The following NR2C2 variants were observed in gnomAD, a reference collection of about 807,000 sequenced individuals.
The protein encoded by NR2C2 is nuclear receptor subfamily 2 group C member 2.
A neutral mutation model predicts 62.9 loss-of-function variants in NR2C2; 6 were observed. The ratio of observed to expected loss-of-function variants is 0.10; its 90% CI spans 0.05 to 0.19. NR2C2 has a LOEUF of 0.19. NR2C2 is among the 10% of genes least tolerant of loss of function. NR2C2 has a pLI of 1.00. For missense variants in NR2C2, 479 were observed against 762.7 expected, an observed-to-expected ratio of 0.63 and a Z score of 4.38; for synonymous variants, 272 against 273.8, an observed-to-expected ratio of 0.99 and a Z score of 0.07.
intron 11 of NR2C2, among the ~76,000 whole-genome samples, chr3:15,035,270 A>G (rs1193541849): frequency 6.6e-6 from 1 of 152,222 alleles, no homozygotes; most frequent in Non-Finnish European, 1.5e-5. Flanking sequence ...CATCCTGGGT[A>G]ATAGAGCAAG....
At chr3:15,016,127 C>A in intron 3 of NR2C2, 25 bp from the exon 4 acceptor site, 1 of 1,573,750 alleles carries the variant, frequency 6.4e-7, no homozygotes, top group Non-Finnish European at 8.7e-7. Flanking sequence ...ATTGGCACCC[C>A]TGTTCGTTTC....
chr3:15,009,640 C>T (rs1421269841), intron 2 of NR2C2, among the ~76,000 whole-genome samples: 1 of 152,180 alleles, frequency 6.6e-6, no homozygotes, highest in Non-Finnish European at 1.5e-5. Flanking sequence ...AGTTTACAGA[C>T]AGGAATTTAA....
chr3:14,992,768 C>T (rs755405782), intron 1 of NR2C2, among the ~76,000 whole-genome samples: 3 of 152,152 alleles, frequency 2.0e-5, no homozygotes, highest in Non-Finnish European at 4.4e-5. Context: ...GATGATTTTA[C>T]CCTCTAAGTA....
intron 1 of NR2C2, among the ~76,000 whole-genome samples, chr3:14,987,338 C>T (rs2040540049): frequency 1.3e-5 from 2 of 152,156 alleles, no homozygotes; most frequent in Admixed American, 1.3e-4. Context: ...CCGCCTTGGC[C>T]TCGCAGAGTG....
At chr3:15,023,114 G>C (rs1011743912) in intron 5 of NR2C2, 86 bp from the exon 6 acceptor site, 1 of 1,440,884 alleles carries the variant, frequency 6.9e-7, no homozygotes, top group Non-Finnish European at 9.6e-7. Flanking sequence ...CATCCTCCCT[G>C]CAGTAATGGA....
chr3:14,976,346 A>G (rs1221090702), intron 1 of NR2C2, among the ~76,000 whole-genome samples: 1 of 152,190 alleles, frequency 6.6e-6, no homozygotes, highest in Non-Finnish European at 1.5e-5. Flanking sequence ...TGTTCTGGTT[A>G]TATAATTATG....
chr3:14,959,141 A>G (rs1468809044), intron 1 of NR2C2: 2 of 152,096 alleles, frequency 1.3e-5, no homozygotes, highest in Non-Finnish European at 2.9e-5. Context: ...TCACTGTGTG[A>G]TCTTTCTGTC....
At position 15,043,092 on chromosome 3, in the gene NR2C2, T is replaced by G; in HGVS notation, c.*84T>G. 3 of 1,325,138 alleles carry G rather than the reference T, an allele frequency of 2.3e-6. No homozygotes were observed. The highest frequency in any genetic ancestry group is 3.0e-6 in the Non-Finnish European group (3 of 984,042). 82.1% of individuals were successfully genotyped at this position (1,325,138 alleles called of 1,614,324 possible). On this transcript the variant is annotated 3_prime_UTR_variant, in exon 14 of 14. Coordinates refer to ENST00000425241, the MANE Select transcript of NR2C2 (RefSeq NM_001291694.2). ...AGAAAAGTAGTGGTATTTTGGTATG[T>G]GCAAATATTTCCATATGTTAGCCAT... is the stretch of plus-strand genomic sequence containing the variant.
intron 1 of NR2C2, among the ~76,000 whole-genome samples, chr3:14,986,275 G>A (rs1346531353): frequency 6.6e-6 from 1 of 152,132 alleles, no homozygotes; most frequent in Non-Finnish European, 1.5e-5. Context: ...TCATGTAAAT[G>A]CTTAGGAATA....
intron 1 of NR2C2, among the ~76,000 whole-genome samples, chr3:14,964,491 TTTTTTTATTTTCTATTTTATA>T (rs1416680786): frequency 3.4e-5 from 4 of 117,462 alleles, no homozygotes; most frequent in African/African-American, 1.4e-4. Context: ...TGGACTTTAT[TTTTTTTATTTTCTATTTTATA>T]TTTTTTATTT....
At chr3:14,959,080 C>T (rs1248547355) in intron 1 of NR2C2, 1 of 152,246 alleles carries the variant, frequency 6.6e-6, no homozygotes, top group African/African-American at 2.4e-5. Context: ...GGGACATCTC[C>T]TAATTGATAA....
rs1159593307 is a variant in NR2C2 at position 14,971,176 on chromosome 3, GGC to G, written c.-40+23273_-40+23274del. On this transcript the variant is annotated intron_variant, in intron 1 of 13. Coordinates refer to ENST00000425241, the MANE Select transcript of NR2C2 (RefSeq NM_001291694.2). ...CTCTGCGCCCAGGCTGGAGTGCAGT[GGC>G]GCAATCTTGGCTCACTGCAACCTTT... Among the ~76,000 whole-genome samples the G allele has an allele frequency of 7.9e-3, 1,200 of 151,032 alleles. 30 individuals are homozygous for G. Among genetic ancestry groups the G allele is most frequent in the African/African-American group, 0.027 (1,105 of 40,390 alleles).
chr3:14,990,619 G>T (rs779159062), intron 1 of NR2C2, among the ~76,000 whole-genome samples: 3 of 152,158 alleles, frequency 2.0e-5, no homozygotes, highest in Non-Finnish European at 4.4e-5. Flanking sequence ...TTTTGGGTTG[G>T]ACTCTCTTTG....
intron 13 of NR2C2, chr3:15,042,369 C>A (rs1225951111): frequency 6.6e-6 from 1 of 152,650 alleles, no homozygotes; most frequent in East Asian, 1.9e-4. Context: ...GCGTGGTGAA[C>A]ATTTTCCCAA....
At chr3:15,019,890 C>T (rs947519032) in intron 4 of NR2C2, among the ~76,000 whole-genome samples, 1 of 151,922 alleles carries the variant, frequency 6.6e-6, no homozygotes, top group Non-Finnish European at 1.5e-5. Flanking sequence ...TATAAAATAC[C>T]TAGAAGAAAG....
chr3:14,993,392 T>C (rs920065485), intron 1 of NR2C2, among the ~76,000 whole-genome samples: 2 of 150,586 alleles, frequency 1.3e-5, no homozygotes, highest in African/African-American at 2.5e-5. Context: ...AGGCGGAGGT[T>C]ACAGTGAGCC....
rs1220031569 is a variant in NR2C2 at position 15,047,152 on chromosome 3, T to C, written c.*4144T>C. 2.4e-4 allele frequency: 37 copies of C among 152,680 alleles called. No homozygotes were observed. Among genetic ancestry groups the C allele is most frequent in the Non-Finnish European group, 1.5e-4 (10 of 68,048 alleles). The allele number at this position is 152,680 out of a possible 1,614,324, so 9.5% of individuals were successfully genotyped here. A position where few individuals can be genotyped will look rare whatever the true frequency, so the allele number is the denominator to read the frequency against. On this transcript the variant is annotated 3_prime_UTR_variant, in exon 14 of 14. Coordinates refer to ENST00000425241, the MANE Select transcript of NR2C2 (RefSeq NM_001291694.2). Reference sequence around the variant, plus strand: ...TGTATACAGACATGTATCCAAACTTTCCTTTAAAGAGAGTTTTTCATAAAG... The same window carrying C: ...TGTATACAGACATGTATCCAAACTTCCCTTTAAAGAGAGTTTTTCATAAAG...
chr3:14,953,950 C>T (rs1241283838), intron 1 of NR2C2, among the ~76,000 whole-genome samples: 1 of 150,526 alleles, frequency 6.6e-6, no homozygotes, highest in Non-Finnish European at 1.5e-5. Flanking sequence ...TTACACAATA[C>T]TAGCGGGCTT....
chr3:15,011,792 C>T (rs1404040570), intron 2 of NR2C2, among the ~76,000 whole-genome samples: 2 of 152,178 alleles, frequency 1.3e-5, no homozygotes, highest in Admixed American at 6.5e-5. Context: ...CACACTTTGC[C>T]GCATTTTTGC....
Sources: gnomAD v4.1 joint callset for allele counts (sites outside exome capture counted in the v4.1 genomes callset) on GRCh38, gnomAD v4.1.1 for gene constraint, MANE v1.5 for transcripts, NCBI Gene and HGNC (gene_info 2026-07-23, HGNC 2026-07-21) for gene names.